The following CTDSPL2 variants were observed in gnomAD, a reference collection of about 807,000 sequenced individuals.
CTDSPL2 encodes the protein CTD small phosphatase-like protein 2.
In CTDSPL2, 5 loss-of-function variants were observed where a neutral mutation model predicts 60.0. The ratio of observed to expected loss-of-function variants is 0.08; its 90% CI spans 0.04 to 0.18. The LOEUF (loss-of-function observed/expected upper bound fraction) is 0.18, where lower values mean the gene tolerates loss of function less well. Among genes scored for constraint, CTDSPL2 ranks in the 10% least tolerant of loss-of-function variants. CTDSPL2 has a pLI of 1.00. For missense variants in CTDSPL2, 370 were observed against 548.8 expected, an observed-to-expected ratio of 0.67 and a Z score of 3.26; for synonymous variants, 186 against 189.3, an observed-to-expected ratio of 0.98 and a Z score of 0.14.
chr15:44,469,541 A>G (rs1297898299), intron 2 of CTDSPL2, among the ~76,000 whole-genome samples: 1 of 151,222 alleles, frequency 6.6e-6, no homozygotes, highest in Non-Finnish European at 1.5e-5. Flanking sequence ...CTTGTGATTT[A>G]TTTTGACCCA....
chr15:44,473,727 C>T (rs1017341696), intron 2 of CTDSPL2, among the ~76,000 whole-genome samples: 1 of 152,150 alleles, frequency 6.6e-6, no homozygotes, highest in African/African-American at 2.4e-5. Context: ...AGTCCCAGCA[C>T]CATTTGTTGA....
chr15:44,429,171 C>A (rs1032353082), intron 1 of CTDSPL2, among the ~76,000 whole-genome samples: 1 of 152,134 alleles, frequency 6.6e-6, no homozygotes, highest in Non-Finnish European at 1.5e-5. Flanking sequence ...TTATTATAAT[C>A]CTCATTTGGT....
intron 1 of CTDSPL2, among the ~76,000 whole-genome samples, chr15:44,434,516 C>T (rs919350492): frequency 2.0e-5 from 3 of 152,198 alleles, no homozygotes; most frequent in East Asian, 1.9e-4. Flanking sequence ...GCCGCAGCCT[C>T]CCAAGTAGTT....
chr15:44,494,676 G>A (rs779421739), intron 5 of CTDSPL2, among the ~76,000 whole-genome samples: 13 of 151,932 alleles, frequency 8.6e-5, no homozygotes, highest in East Asian at 1.9e-4. Flanking sequence ...TTGCGAGGCC[G>A]GGTCACCTGA....
intron 1 of CTDSPL2, among the ~76,000 whole-genome samples, chr15:44,455,624 G>T (rs1169292497): frequency 6.6e-6 from 1 of 152,058 alleles, no homozygotes; most frequent in Non-Finnish European, 1.5e-5. Flanking sequence ...AGAGTTTTTG[G>T]CATGAAGGGC....
intron 1 of CTDSPL2, among the ~76,000 whole-genome samples, chr15:44,433,016 G>C (rs1179585235): frequency 6.6e-6 from 1 of 151,812 alleles, no homozygotes; most frequent in African/African-American, 2.4e-5. Flanking sequence ...TTGTGGATTT[G>C]ATTAAAACAA....
At position 44,528,981 on chromosome 15, in the gene CTDSPL2, C is replaced by A. The variant is rs925675063; in HGVS notation, c.*4807C>A. 6.6e-6 allele frequency: 1 copy of A among 152,094 alleles called. No homozygotes were observed. Among genetic ancestry groups the A allele is most frequent in the Non-Finnish European group, 1.5e-5 (1 of 67,996 alleles). 9.4% of individuals were successfully genotyped at this position (152,094 alleles called of 1,614,324 possible). ...ATTTAGTTTTCTCATCTTCAAATGC[C>A]CTGATCACCCTACCTCACAGGGTTG... On this transcript the variant is annotated 3_prime_UTR_variant, in exon 13 of 13. Transcript: ENST00000260327.
rs200949815 is a variant in CTDSPL2, at chr15:44,498,968, A to G, written c.883-759A>G. The stretch of plus-strand genomic sequence containing the variant: ...ATAAGGAGTTAAATGAACAGAGTAT[A>G]TATTTTTAATAATTAGATTCTACAC... On this transcript the variant is annotated intron_variant, in intron 7 of 12. Coordinates refer to ENST00000260327, the MANE Select transcript of CTDSPL2 (RefSeq NM_016396.3). Among the ~76,000 whole-genome samples the G allele has an allele frequency of 5.3e-5, 8 of 152,312 alleles. No individual in the cohort carries two copies. The East Asian group carries it at 1.2e-3, about 22-fold the overall frequency.
intron 2 of CTDSPL2, among the ~76,000 whole-genome samples, chr15:44,483,471 G>A (rs1271832209): frequency 6.6e-6 from 1 of 151,918 alleles, no homozygotes; most frequent in African/African-American, 2.4e-5. Context: ...TCAGGAGGTT[G>A]AGGTTGCAGT....
In CTDSPL2 at chr15:44,440,728, C is replaced by CT. The variant is rs570934854; in HGVS notation, c.-25+12962dup. Among the ~76,000 whole-genome samples, 579 of 151,656 alleles carry CT rather than the reference C, an allele frequency of 3.8e-3. 4 individuals carry two copies. The highest frequency in any genetic ancestry group is 5.6e-3 in the Non-Finnish European group (381 of 67,948). ...TGCCTCTTGAGGTTGTAATTTATTC[C>CT]TTTTTTGTGTGTCTTGCAATATTTT... On this transcript the variant is annotated intron_variant, in intron 1 of 12. Coordinates refer to ENST00000260327, the MANE Select transcript of CTDSPL2 (RefSeq NM_016396.3).
intron 8 of CTDSPL2, among the ~76,000 whole-genome samples, chr15:44,510,891 T>A (rs1006360512): frequency 1.3e-5 from 2 of 152,228 alleles, no homozygotes; most frequent in African/African-American, 4.8e-5. Context: ...TTATTTGTTC[T>A]TACCAGACAG....
chr15:44,483,123 G>A (rs1595745186), intron 2 of CTDSPL2, among the ~76,000 whole-genome samples: 1 of 152,092 alleles, frequency 6.6e-6, no homozygotes, highest in Non-Finnish European at 1.5e-5. Flanking sequence ...GCGGGGCGTG[G>A]TGGTGCGTGC....
At chr15:44,506,039 T>C (rs937586554) in intron 8 of CTDSPL2, among the ~76,000 whole-genome samples, 1 of 147,610 alleles carries the variant, frequency 6.8e-6, no homozygotes, top group Non-Finnish European at 1.5e-5. Flanking sequence ...TTTTTTTTTT[T>C]TTTTTTTTGA....
chr15:44,435,096 C>T lies in CTDSPL2; in HGVS notation c.-25+7324C>T, dbSNP rs1467832402. Among the ~76,000 whole-genome samples, 14 of 151,788 alleles carry T rather than the reference C, an allele frequency of 9.2e-5. 1 individual carries two copies. The highest frequency in any genetic ancestry group is 7.9e-4 in the Admixed American group (12 of 15,228). On this transcript the variant is annotated intron_variant, in intron 1 of 12. Transcript: ENST00000260327. ...CCAACATGGTGAAACCCTGTCTCTA[C>T]TAAAAATACAAAAATTAGCTGGGCG...
chr15:44,438,127 G>A (rs529144453), intron 1 of CTDSPL2, among the ~76,000 whole-genome samples: 2 of 152,330 alleles, frequency 1.3e-5, no homozygotes, highest in East Asian at 3.9e-4. Flanking sequence ...AGCCAGGCGT[G>A]GTGGTGGGCG....
At position 44,488,298 on chromosome 15, in the gene CTDSPL2, G is replaced by A. The variant is rs189217565; in HGVS notation, c.475+1598G>A. 9.9e-5 allele frequency among the ~76,000 whole-genome samples: 15 copies of A among 152,166 alleles called. No homozygotes were observed. The East Asian group carries it at 2.1e-3, about 22-fold the overall frequency. ...TAGAACAATTAGTAGACTTGTAGTC[G>A]TTTGTGTGAGACTTGATGAGACCTT... On this transcript the variant is annotated intron_variant, in intron 4 of 12. Coordinates refer to ENST00000260327, the MANE Select transcript of CTDSPL2 (RefSeq NM_016396.3).
intron 10 of CTDSPL2, 198 bp from the exon 11 acceptor site, chr15:44,518,971 G>A (rs1477346699): frequency 5.8e-6 from 2 of 343,732 alleles, no homozygotes; most frequent in Admixed American, 9.6e-5. Flanking sequence ...ATATTTGGTT[G>A]TAAGCTTTCA....
At chr15:44,434,042 A>AGATT (rs761754631) in intron 1 of CTDSPL2, among the ~76,000 whole-genome samples, 10 of 151,848 alleles carry the variant, frequency 6.6e-5, no homozygotes, top group Non-Finnish European at 1.0e-4. Flanking sequence ...TAGAGAAAAC[A>AGATT]GATTGATAAT....
At chr15:44,431,124 CTTTTT>C (rs747235503) in intron 1 of CTDSPL2, among the ~76,000 whole-genome samples, 1 of 139,738 alleles carries the variant, frequency 7.2e-6, no homozygotes, top group South Asian at 2.3e-4. Context: ...ATCTGGCCCA[CTTTTT>C]TTTTTTTTTT....
Sources: allele counts gnomAD v4.1 joint callset (sites outside exome capture counted in the v4.1 genomes callset), GRCh38; gene constraint gnomAD v4.1.1; transcripts MANE v1.5; gene names NCBI Gene and HGNC (gene_info 2026-07-23, HGNC 2026-07-21).